DNAH14: variants seen among roughly 807,000 people sequenced by gnomAD.
The protein encoded by DNAH14 is axonemal beta dynein heavy chain 14.
A neutral mutation model predicts 520.9 loss-of-function variants in DNAH14; 478 were observed. The observed-to-expected ratio is 0.92, with a 90% CI of 0.85 to 0.99. The LOEUF (loss-of-function observed/expected upper bound fraction) is 0.99. DNAH14 is among the 50% of genes least tolerant of loss of function. The probability of loss-of-function intolerance (pLI) is 0.00; values close to 1 mark genes in which losing one functional copy is unlikely to be tolerated. For synonymous variants in DNAH14, 1,581 were observed against 1,757.2 expected, an observed-to-expected ratio of 0.90 and a Z score of 2.51; for missense variants, 4,831 against 5,234.5, an observed-to-expected ratio of 0.92 and a Z score of 2.38.
rs1466501886 is a variant in DNAH14 at position 225,389,820 on chromosome 1, T to C, written c.13277T>C (p.Phe4426Ser). The C allele has an allele frequency of 2.6e-6, 4 of 1,551,824 alleles. No homozygotes were observed. Among genetic ancestry groups the C allele is most frequent in the Non-Finnish European group, 3.5e-6 (4 of 1,147,044 alleles). Residue 4426 changes from phenylalanine to serine, a missense_variant, in exon 83 of 86, where the codon TTC becomes TCC. Transcript: ENST00000682510. ...CACCCTGAGGATTCAGAGAACAATTTCTTTGAAGGGTTTCCTTCAAGATAC... is the reference window on the plus strand; with the variant it reads ...CACCCTGAGGATTCAGAGAACAATTCCTTTGAAGGGTTTCCTTCAAGATAC... ...CKHPEDSENN[F>S]FEGFPSRYWL...
chr1:225,258,471 C>A (rs1028639806), intron 45 of DNAH14, among the ~76,000 whole-genome samples: 1 of 152,106 alleles, frequency 6.6e-6, no homozygotes, highest in Non-Finnish European at 1.5e-5. Flanking sequence ...ATTCCCCAAT[C>A]CAATATTAAG....
At chr1:225,080,266 C>G (rs1417564416) in intron 18 of DNAH14, 113 bp from the exon 19 acceptor site, 2 of 1,068,526 alleles carry the variant, frequency 1.9e-6, no homozygotes, top group Non-Finnish European at 2.6e-6. Context: ...TCCAGTTTCA[C>G]TCACTTATCA....
intron 7 of DNAH14, 108 bp downstream of exon 7, chr1:224,968,982 A>C (rs2061351532): frequency 1.0e-5 from 7 of 685,242 alleles, no homozygotes; most frequent in Non-Finnish European, 1.6e-5. Context: ...AGAAAATAGT[A>C]CTAATTCTTT....
chr1:225,127,965 T>C (rs2077939208), intron 27 of DNAH14, among the ~76,000 whole-genome samples: 3 of 152,204 alleles, frequency 2.0e-5, no homozygotes, highest in Admixed American at 2.0e-4. Context: ...CTTTCACTTA[T>C]GAAACTTAGT....
At chr1:225,215,048 A>G (rs575600341) in intron 41 of DNAH14, among the ~76,000 whole-genome samples, 39 of 152,200 alleles carry the variant, frequency 2.6e-4, no homozygotes, top group African/African-American at 9.1e-4. Context: ...GTCATTTAGT[A>G]CTATAAATTT....
chr1:225,376,375 C>T (rs2095701404), intron 78 of DNAH14, among the ~76,000 whole-genome samples: 1 of 151,956 alleles, frequency 6.6e-6, no homozygotes, highest in South Asian at 2.1e-4. Context: ...TGAAGTGAAC[C>T]GAGATCATGC....
rs1041296103 is a variant in DNAH14 at position 224,976,641 on chromosome 1, GA to G, written c.830+2495del. On this transcript the variant is annotated intron_variant, in intron 8 of 85. Coordinates refer to ENST00000682510, the MANE Select transcript of DNAH14 (RefSeq NM_001367479.1). ...ACAATGAACTCAAACAAATTTACAA[GA>G]AAAAAACAAACAACCCCATCAAAAA... Among the ~76,000 whole-genome samples the G allele has an allele frequency of 7.3e-5, 11 of 150,702 alleles. No individual in the cohort carries two copies. In the South Asian group the frequency reaches 1.7e-3, roughly 23 times the overall value.
At chr1:225,346,417 T>G (rs1298786969) in intron 70 of DNAH14, 37 bp downstream of exon 70, 25 of 1,529,668 alleles carry the variant, frequency 1.6e-5, no homozygotes, top group Non-Finnish European at 2.1e-5. Context: ...ACATGCTTAT[T>G]TAATCTCACT....
intron 17 of DNAH14, among the ~76,000 whole-genome samples, chr1:225,076,508 C>T (rs979738404): frequency 2.6e-5 from 4 of 152,198 alleles, no homozygotes; most frequent in Admixed American, 6.5e-5. Context: ...GATGTTTCTA[C>T]AGGGATATGA....
intron 9 of DNAH14, among the ~76,000 whole-genome samples, chr1:225,003,924 A>G (rs1373802437): frequency 6.6e-6 from 1 of 152,060 alleles, no homozygotes; most frequent in Admixed American, 6.6e-5. Flanking sequence ...ATTTTTAATG[A>G]TGGGTGGGAA....
chr1:224,957,517 C>T (rs2060590277), intron 3 of DNAH14, among the ~76,000 whole-genome samples: 2 of 150,354 alleles, frequency 1.3e-5, no homozygotes, highest in African/African-American at 4.9e-5. Context: ...TAAAACAGGG[C>T]CAAGGAACAG....
chr1:225,323,170 CA>C (rs2150215559), intron 62 of DNAH14, among the ~76,000 whole-genome samples: 2 of 152,240 alleles, frequency 1.3e-5, no homozygotes, highest in South Asian at 4.1e-4. Context: ...CAGGCCATAC[CA>C]CCATTACTGA....
chr1:225,306,514 A>C (rs2094245264), intron 58 of DNAH14, among the ~76,000 whole-genome samples: 1 of 152,044 alleles, frequency 6.6e-6, no homozygotes, highest in Non-Finnish European at 1.5e-5. Flanking sequence ...GAGTTTAATG[A>C]ATCTTCCTCT....
intron 76 of DNAH14, among the ~76,000 whole-genome samples, chr1:225,367,529 G>A (rs1223480955): frequency 2.6e-5 from 4 of 152,142 alleles, no homozygotes; most frequent in African/African-American, 7.2e-5. Flanking sequence ...AAAATCCCAA[G>A]CCCTATGCTC....
At chr1:225,062,470 G>A (rs1384549390) in intron 17 of DNAH14, among the ~76,000 whole-genome samples, 1 of 152,126 alleles carries the variant, frequency 6.6e-6, no homozygotes, top group Non-Finnish European at 1.5e-5. Context: ...ATATGTACAG[G>A]GAGGGGGAAC....
At chr1:225,057,697 T>C (rs1419614658) in intron 17 of DNAH14, among the ~76,000 whole-genome samples, 7 of 152,178 alleles carry the variant, frequency 4.6e-5, no homozygotes, top group South Asian at 2.1e-4. Context: ...TTTTGAGATA[T>C]GTCCCATCAA....
chr1:225,161,210 G>A (rs2081490746), intron 35 of DNAH14, among the ~76,000 whole-genome samples: 1 of 152,040 alleles, frequency 6.6e-6, no homozygotes, highest in Non-Finnish European at 1.5e-5. Context: ...CTTCTACTCT[G>A]TGTCTCCGTA....
intron 77 of DNAH14, among the ~76,000 whole-genome samples, chr1:225,371,016 G>T (rs2095612086): frequency 6.6e-6 from 1 of 152,172 alleles, no homozygotes; most frequent in South Asian, 2.1e-4. Flanking sequence ...ACACCAGAAT[G>T]AGATGGTTTT....
At chr1:225,150,766 G>A (rs2080425098) in intron 31 of DNAH14, among the ~76,000 whole-genome samples, 1 of 151,892 alleles carries the variant, frequency 6.6e-6, no homozygotes, top group Non-Finnish European at 1.5e-5. Context: ...ATCTCACTCT[G>A]TTGCCCAAGC....
Sources: allele counts gnomAD v4.1 joint callset (sites outside exome capture counted in the v4.1 genomes callset), GRCh38; gene constraint gnomAD v4.1.1; transcripts MANE v1.5; gene names NCBI Gene and HGNC (gene_info 2026-07-23, HGNC 2026-07-21).